ABCA13: variants seen among roughly 807,000 people sequenced by gnomAD.
ABCA13 encodes the protein ATP-binding cassette sub-family A member 13.
Under a neutral mutation model 478.7 loss-of-function variants are expected in ABCA13, and 476 were observed. The ratio of observed to expected loss-of-function variants is 0.99; its 90% CI spans 0.92 to 1.07. The LOEUF (loss-of-function observed/expected upper bound fraction) is 1.07, where lower values mean the gene tolerates loss of function less well. Among genes scored for constraint, ABCA13 ranks in the 50% least tolerant of loss-of-function variants. ABCA13 has a pLI of 0.00. For missense variants in ABCA13, 6,060 were observed against 5,910.6 expected (o/e 1.03, Z -0.83); for synonymous variants, 2,252 against 2,158.9 (o/e 1.04, Z -1.20).
At chr7:48,525,670 C>CTTTTTTTTTTTTTTTTTTTTTTTTT (rs538127881) in intron 54 of ABCA13, among the ~76,000 whole-genome samples, 1 of 68,302 alleles carries the variant, frequency 1.5e-5, no homozygotes, top group Admixed American at 1.7e-4. Context: ...TTTAGATGCG[C>CTTTTTTTTTTTTTTTTTTTTTTTTT]TTTTTTTTTT....
chr7:48,453,348 A>G (rs1825279725), intron 42 of ABCA13, among the ~76,000 whole-genome samples: 2 of 151,976 alleles, frequency 1.3e-5, no homozygotes, highest in Admixed American at 1.3e-4. Context: ...CTAATGCCTC[A>G]TCCTCATTAG....
chr7:48,334,479 T>C (rs1439362947), intron 27 of ABCA13, among the ~76,000 whole-genome samples: 1 of 151,970 alleles, frequency 6.6e-6, no homozygotes, highest in African/African-American at 2.4e-5. Context: ...GGATTACAGG[T>C]GCCTGCCACC....
chr7:48,174,338 G>A (rs1039728100), intron 1 of ABCA13, among the ~76,000 whole-genome samples: 1 of 151,596 alleles, frequency 6.6e-6, no homozygotes, highest in Non-Finnish European at 1.5e-5. Context: ...GATGTACATA[G>A]TGTCAGCATA....
intron 5 of ABCA13, 38 bp downstream of exon 5, chr7:48,221,347 G>A: frequency 1.0e-6 from 1 of 997,634 alleles, no homozygotes; most frequent in South Asian, 1.6e-5. Context: ...TTAGTCTTCA[G>A]AGACAGAATG....
chr7:48,626,574 T>C (rs2131616569), intron 59 of ABCA13: 1 of 981,732 alleles, frequency 1.0e-6, no homozygotes, highest in African/African-American at 1.7e-5. Context: ...AACTGGCCTA[T>C]TAAACAGAAA....
At chr7:48,294,002 A>G (rs1798966947) in intron 20 of ABCA13, among the ~76,000 whole-genome samples, 1 of 152,196 alleles carries the variant, frequency 6.6e-6, no homozygotes, top group South Asian at 2.1e-4. Context: ...CTCACATAGG[A>G]ATAGCCACAT....
At chr7:48,516,670 A>G in intron 51 of ABCA13, 55 bp from the exon 52 acceptor site, 2 of 1,561,842 alleles carry the variant, frequency 1.3e-6, no homozygotes, top group Non-Finnish European at 1.8e-6. Context: ...GCCATAGATA[A>G]AACTACTGTA....
At chr7:48,304,811 G>A (rs1011123228) in intron 23 of ABCA13, among the ~76,000 whole-genome samples, 2 of 152,218 alleles carry the variant, frequency 1.3e-5, no homozygotes, top group African/African-American at 4.8e-5. Context: ...AATGATGCCT[G>A]CCTTACTGGG....
chr7:48,233,039 T>A (rs932447701), intron 7 of ABCA13, among the ~76,000 whole-genome samples: 1 of 152,210 alleles, frequency 6.6e-6, no homozygotes, highest in Non-Finnish European at 1.5e-5. Context: ...ACCAATCTTT[T>A]TTCCTCCCAT....
intron 55 of ABCA13, among the ~76,000 whole-genome samples, chr7:48,544,183 C>T (rs1474054917): frequency 6.6e-6 from 1 of 151,386 alleles, no homozygotes; most frequent in Non-Finnish European, 1.5e-5. Context: ...TCTGAGGTCA[C>T]AAGAAAGGAG....
At chr7:48,264,045 CA>C (rs1255722179) in intron 15 of ABCA13, among the ~76,000 whole-genome samples, 1 of 151,876 alleles carries the variant, frequency 6.6e-6, no homozygotes, top group Non-Finnish European at 1.5e-5. Context: ...TGGACATATG[CA>C]GTATGTACTT....
intron 31 of ABCA13, among the ~76,000 whole-genome samples, chr7:48,364,585 G>A (rs1811380346): frequency 6.6e-6 from 1 of 152,032 alleles, no homozygotes; most frequent in Admixed American, 6.6e-5. Flanking sequence ...CCCAGCATCT[G>A]GGTAACTCAC....
chr7:48,463,837 G>A (rs1216748168), intron 43 of ABCA13, among the ~76,000 whole-genome samples: 3 of 151,988 alleles, frequency 2.0e-5, no homozygotes, highest in South Asian at 4.2e-4. Flanking sequence ...GGAACGGAAC[G>A]GAAAGGAAAG....
At chr7:48,189,705 G>A (rs1249696534) in intron 1 of ABCA13, among the ~76,000 whole-genome samples, 1 of 152,064 alleles carries the variant, frequency 6.6e-6, no homozygotes, top group East Asian at 1.9e-4. Flanking sequence ...ATTTTAATTT[G>A]GCTTTGGCAG....
At chr7:48,476,619 C>G (rs574420819) in intron 45 of ABCA13, among the ~76,000 whole-genome samples, 1 of 152,250 alleles carries the variant, frequency 6.6e-6, no homozygotes, top group East Asian at 1.9e-4. Flanking sequence ...AAGAGGCTGA[C>G]CCCATCGTGG....
chr7:48,540,184 GA>G (rs202004654), intron 55 of ABCA13, among the ~76,000 whole-genome samples: 13 of 148,696 alleles, frequency 8.7e-5, no homozygotes, highest in South Asian at 4.3e-4. Context: ...GGTAGGTTTT[GA>G]AAAAAAAAAT....
At chr7:48,324,913 T>C (rs550325597) in intron 27 of ABCA13, among the ~76,000 whole-genome samples, 1 of 152,232 alleles carries the variant, frequency 6.6e-6, no homozygotes, top group Non-Finnish European at 1.5e-5. Context: ...ATGAAGATTT[T>C]TGTTGCAAAG....
intron 27 of ABCA13, among the ~76,000 whole-genome samples, chr7:48,319,719 G>A (rs1024005833): frequency 1.3e-4 from 20 of 152,194 alleles, no homozygotes; most frequent in African/African-American, 9.7e-5. Flanking sequence ...GGTAAGAAAC[G>A]TGTGTATGTG....
At chr7:48,320,145 C>T (rs1023137478) in intron 27 of ABCA13, among the ~76,000 whole-genome samples, 10 of 152,160 alleles carry the variant, frequency 6.6e-5, no homozygotes, top group East Asian at 3.8e-4. Flanking sequence ...TTTGAGCATT[C>T]GGTTATTCAT....
Sources: allele counts gnomAD v4.1 joint callset (sites outside exome capture counted in the v4.1 genomes callset), GRCh38; gene constraint gnomAD v4.1.1; transcripts MANE v1.5; gene names NCBI Gene and HGNC (gene_info 2026-07-23, HGNC 2026-07-21).